The following ARHGEF7 variants were observed in gnomAD, a reference collection of about 807,000 sequenced individuals.
The protein encoded by ARHGEF7 is PAK-interacting exchange factor beta.
In ARHGEF7, 33 loss-of-function variants were observed where a neutral mutation model predicts 109.8. That is an observed-to-expected ratio of 0.30 (90% CI 0.23 to 0.40). ARHGEF7 has a LOEUF of 0.40. ARHGEF7 is among the 10% of genes least tolerant of loss of function. The pLI is 1.00. For synonymous variants in ARHGEF7, 458 were observed against 424.6 expected (o/e 1.08, Z -0.97); for missense variants, 938 against 1,098.5 (o/e 0.85, Z 2.07).
intron 3 of ARHGEF7, among the ~76,000 whole-genome samples, chr13:111,208,734 C>T (rs1032240551): frequency 1.3e-5 from 2 of 152,140 alleles, no homozygotes; most frequent in Admixed American, 1.3e-4. Flanking sequence ...TACTCGTAAC[C>T]TGCCCTCAGC....
At chr13:111,249,838 A>C (rs1298794380) in intron 8 of ARHGEF7, among the ~76,000 whole-genome samples, 1 of 152,146 alleles carries the variant, frequency 6.6e-6, no homozygotes, top group African/African-American at 2.4e-5. Flanking sequence ...TGAGGCCATG[A>C]CACAGGGTTG....
chr13:111,262,132 A>C (rs1224177661), intron 8 of ARHGEF7, among the ~76,000 whole-genome samples: 1 of 152,254 alleles, frequency 6.6e-6, no homozygotes, highest in Non-Finnish European at 1.5e-5. Flanking sequence ...TGAATTTGAA[A>C]TATTACAAAA....
intron 19 of ARHGEF7, chr13:111,293,322 C>T: frequency 5.1e-6 from 5 of 985,276 alleles, no homozygotes; most frequent in Non-Finnish European, 6.0e-6. Context: ...CAGCAACCAG[C>T]TGCAGTGAAA....
chr13:111,116,053 C>G (rs1408590967), intron 1 of ARHGEF7, among the ~76,000 whole-genome samples: 2 of 152,206 alleles, frequency 1.3e-5, no homozygotes, highest in Non-Finnish European at 2.9e-5. Context: ...CATCGGAAAC[C>G]GCGTTCCGAC....
At chr13:111,205,398 G>A (rs377689860) in intron 3 of ARHGEF7, 25 bp downstream of exon 3, 9 of 1,521,616 alleles carry the variant, frequency 5.9e-6, no homozygotes, top group Admixed American at 2.1e-5. Flanking sequence ...TATTGAACTC[G>A]AGGGGGTGGG....
intron 2 of ARHGEF7, among the ~76,000 whole-genome samples, chr13:111,162,027 A>G (rs904511328): frequency 6.6e-6 from 1 of 152,200 alleles, no homozygotes; most frequent in Non-Finnish European, 1.5e-5. Flanking sequence ...TCTTTGTAGG[A>G]CAAATTCCCT....
intron 1 of ARHGEF7, among the ~76,000 whole-genome samples, chr13:111,133,280 A>G (rs926859517): frequency 1.3e-5 from 2 of 152,012 alleles, no homozygotes; most frequent in Non-Finnish European, 1.5e-5. Flanking sequence ...ACACCTCTAT[A>G]TGCACGTATC....
chr13:111,237,084 G>A (rs867938440), intron 6 of ARHGEF7, among the ~76,000 whole-genome samples: 1 of 152,208 alleles, frequency 6.6e-6, no homozygotes, highest in Non-Finnish European at 1.5e-5. Flanking sequence ...AAAAGTTAAA[G>A]GCAGTGGATG....
chr13:111,115,796 G>T lies in ARHGEF7; in HGVS notation c.165+105G>T, dbSNP rs969179099. ...CCGGCCGCGCTCGGGAAACCCGTGC[G>T]CCCTCCTTTGTGCGCGGAGCGGCGG... is the stretch of plus-strand genomic sequence containing the variant. On this transcript the variant is annotated intron_variant, in intron 1 of 21. Transcript: ENST00000646102. 20 of 584,662 alleles carry T rather than the reference G, an allele frequency of 3.4e-5. No homozygotes were observed. In the Admixed American group the frequency reaches 8.1e-4, roughly 24 times the overall value. 36.2% of individuals were successfully genotyped at this position (584,662 alleles called of 1,614,324 possible). A position where few individuals can be genotyped will look rare whatever the true frequency, so the allele number is the denominator to read the frequency against.
intron 17 of ARHGEF7, among the ~76,000 whole-genome samples, chr13:111,287,063 G>T (rs778789517): frequency 2.4e-4 from 37 of 152,220 alleles, no homozygotes; most frequent in Non-Finnish European, 4.7e-4. Flanking sequence ...ACTGTGCCAT[G>T]CCACTGCTGG....
intron 2 of ARHGEF7, chr13:111,186,993 C>G (rs768114595): frequency 1.6e-5 from 16 of 985,750 alleles, no homozygotes; most frequent in Non-Finnish European, 1.9e-5. Flanking sequence ...GCTCTCGTGT[C>G]AGTACTGACG....
chr13:111,269,586 G>C (rs1469483627), intron 9 of ARHGEF7, among the ~76,000 whole-genome samples: 1 of 152,162 alleles, frequency 6.6e-6, no homozygotes, highest in African/African-American at 2.4e-5. Flanking sequence ...CTCCTTCCCA[G>C]GGCTGCCCAG....
intron 1 of ARHGEF7, among the ~76,000 whole-genome samples, chr13:111,121,533 T>G (rs1304071459): frequency 6.6e-6 from 1 of 152,040 alleles, no homozygotes; most frequent in African/African-American, 2.4e-5. Flanking sequence ...CAGAGCCGTT[T>G]GTTCTTGTGT....
intron 2 of ARHGEF7, among the ~76,000 whole-genome samples, chr13:111,164,114 G>T (rs1028288027): frequency 6.6e-6 from 1 of 152,138 alleles, no homozygotes; most frequent in Non-Finnish European, 1.5e-5. Context: ...ATGGGACCCA[G>T]GTTTGTTGAG....
chr13:111,301,358 G>T, intron 20 of ARHGEF7, 120 bp from the exon 21 acceptor site: 1 of 829,214 alleles, frequency 1.2e-6, no homozygotes, highest in South Asian at 1.6e-5. Context: ...GACAGTACAT[G>T]GGTAAGGCAG....
chr13:111,153,523 C>A (rs2076019048), intron 1 of ARHGEF7: 3 of 676,586 alleles, frequency 4.4e-6, no homozygotes, highest in African/African-American at 2.0e-5. Context: ...CGAGGCCCAG[C>A]ACTGGGCCAG....
chr13:111,206,960 T>TAAAAAAA (rs35814705), intron 3 of ARHGEF7, among the ~76,000 whole-genome samples: 1 of 53,718 alleles, frequency 1.9e-5, no homozygotes, highest in Non-Finnish European at 3.7e-5. Context: ...AGACTCCATC[T>TAAAAAAA]AAAAAAAAAA....
Position 111,303,164 on chromosome 13 carries a change from G to T in ARHGEF7, c.*51G>T. The stretch of plus-strand genomic sequence containing the variant: ...AAGACCAGTTCTGAGGTGAAGCTGG[G>T]CACCCCTGACCCAAGTCGGGGTGCA... On this transcript the variant is annotated 3_prime_UTR_variant, in exon 22 of 22. Coordinates refer to ENST00000646102, the MANE Select transcript of ARHGEF7 (RefSeq NM_001354046.2). 1 of 1,438,716 alleles carries T rather than the reference G, an allele frequency of 7.0e-7. No homozygotes were observed. Among genetic ancestry groups the T allele is most frequent in the Non-Finnish European group, 9.3e-7 (1 of 1,071,828 alleles). The allele number at this position is 1,438,716 out of a possible 1,614,324, so 89.1% of individuals were successfully genotyped here. A position where few individuals can be genotyped will look rare whatever the true frequency, so the allele number is the denominator to read the frequency against.
chr13:111,139,462 C>G (rs2075245174), intron 1 of ARHGEF7, among the ~76,000 whole-genome samples: 1 of 152,242 alleles, frequency 6.6e-6, no homozygotes, highest in African/African-American at 2.4e-5. Context: ...CTGTCAGAAT[C>G]ACAGGAGGCC....
Sources: gnomAD v4.1 joint callset for allele counts (sites outside exome capture counted in the v4.1 genomes callset) on GRCh38, gnomAD v4.1.1 for gene constraint, MANE v1.5 for transcripts, NCBI Gene and HGNC (gene_info 2026-07-23, HGNC 2026-07-21) for gene names.